Variants in NEBL observed in about 807,000 individuals in gnomAD.
NEBL encodes the protein LIM and SH3 protein 2.
A neutral mutation model predicts 140.2 loss-of-function variants in NEBL; 122 were observed. That is an observed-to-expected ratio of 0.87 (90% CI 0.75 to 1.01). The LOEUF is 1.01. NEBL is among the 50% of genes least tolerant of loss of function. The pLI, the probability that NEBL is intolerant of heterozygous loss-of-function variation, is 0.00. For missense variants in NEBL, 1,365 were observed against 1,231.3 expected, an observed-to-expected ratio of 1.11 and a Z score of -1.62; for synonymous variants, 436 against 398.9, an observed-to-expected ratio of 1.09 and a Z score of -1.11.
chr10:20,925,127 G>A (rs546271550), intron 4 of NEBL, among the ~76,000 whole-genome samples: 2 of 152,182 alleles, frequency 1.3e-5, no homozygotes, highest in South Asian at 4.2e-4. Context: ...TCCTTTTGTA[G>A]AGACAAAGTC....
chr10:20,896,549 C>A (rs1220287459), intron 2 of NEBL, among the ~76,000 whole-genome samples: 1 of 136,106 alleles, frequency 7.3e-6, no homozygotes, highest in Non-Finnish European at 1.5e-5. Flanking sequence ...CAAGTCCATT[C>A]ATTAGATTGT....
Position 21,225,842 on chromosome 10 carries a change from T to A in NEBL, n.348+22079A>T, listed in dbSNP as rs143934371. On this transcript the variant is annotated intron_variant and non_coding_transcript_variant, in intron 3 of 8. Coordinates refer to the NEBL transcript ENST00000675702. ...GCTAGCCAAGAGCCAAGCCCTGGAATTGGGGCCTCCAGGAGCCCACTTAGT... is the reference window on the plus strand; with the variant it reads ...GCTAGCCAAGAGCCAAGCCCTGGAAATGGGGCCTCCAGGAGCCCACTTAGT... 1.3e-3 allele frequency among the ~76,000 whole-genome samples: 192 copies of A among 152,266 alleles called. No individual in the cohort carries two copies. In the East Asian group the frequency reaches 0.017, roughly 13 times the overall value.
chr10:21,160,303 C>A (rs2132151473), intron 2 of NEBL, among the ~76,000 whole-genome samples: 2 of 152,288 alleles, frequency 1.3e-5, no homozygotes, highest in Admixed American at 1.3e-4. Context: ...TTACGGGCCA[C>A]TCAGCCCTGC....
intron 4 of NEBL, among the ~76,000 whole-genome samples, chr10:20,939,872 C>G (rs1029782344): frequency 5.9e-5 from 9 of 152,268 alleles, no homozygotes; most frequent in Admixed American, 3.3e-4. Context: ...ATCAATTCAA[C>G]AAAAAGAGCT....
At chr10:20,941,502 C>G (rs1288988695) in intron 4 of NEBL, among the ~76,000 whole-genome samples, 3 of 152,102 alleles carry the variant, frequency 2.0e-5, no homozygotes, top group Non-Finnish European at 2.9e-5. Flanking sequence ...AAAGTGGAAG[C>G]ATTCCCTTTG....
intron 21 of NEBL, among the ~76,000 whole-genome samples, chr10:20,817,074 CACA>C (rs1350021630): frequency 1.3e-5 from 2 of 151,990 alleles, no homozygotes; most frequent in East Asian, 3.9e-4. Context: ...AGAAGGGATA[CACA>C]ACAACCTGTC....
chr10:20,964,943 G>A lies in NEBL; in HGVS notation c.250-3164C>T, dbSNP rs140623942. 2.3e-3 allele frequency among the ~76,000 whole-genome samples: 356 copies of A among 152,272 alleles called. 1 individual carries two copies. The highest frequency in any genetic ancestry group is 3.6e-3 in the Non-Finnish European group (244 of 68,028). On this transcript the variant is annotated intron_variant, in intron 3 of 6. Transcript: ENST00000417816. ...ATTCTGATGAACATAACCAGCCCCC[G>A]TGTCCATGTGTTGTACACACGTATG...
rs181745861 is a variant in NEBL at position 20,945,266 on chromosome 10, C to T, written c.357+16406G>A. Among the ~76,000 whole-genome samples, 476 of 152,152 alleles carry T rather than the reference C, an allele frequency of 3.1e-3. 1 individual carries two copies. Among genetic ancestry groups the T allele is most frequent in the African/African-American group, 9.6e-3 (399 of 41,514 alleles). On this transcript the variant is annotated intron_variant, in intron 4 of 6. Transcript: ENST00000417816. ...CTTTCTTCTGTAAGCCATCTGGGAC[C>T]GTCACCAAACCCCAGCTAGGGTTAG...
intron 13 of NEBL, among the ~76,000 whole-genome samples, chr10:20,837,930 C>T (rs1841047328): frequency 6.6e-6 from 1 of 152,140 alleles, no homozygotes; most frequent in Non-Finnish European, 1.5e-5. Flanking sequence ...ACTGCCAAAA[C>T]CTAATGTTCA....
In NEBL at chr10:21,140,331, G is replaced by A. The variant is rs766398674; in HGVS notation, c.164+32052C>T. Reference sequence around the variant, plus strand: ...TGTCTGGAAGAATGAGGAATCTACCGTATTTATACATTTCATTTTTAATTT... The same window carrying A: ...TGTCTGGAAGAATGAGGAATCTACCATATTTATACATTTCATTTTTAATTT... On this transcript the variant is annotated intron_variant, in intron 2 of 6. Coordinates refer to the NEBL transcript ENST00000417816. 2.0e-5 allele frequency among the ~76,000 whole-genome samples: 3 copies of A among 152,260 alleles called. 1 individual carries two copies. Among genetic ancestry groups the A allele is most frequent in the East Asian group, 3.9e-4 (2 of 5,188 alleles).
Position 20,785,738 on chromosome 10 carries a change from G to A in NEBL, c.*9C>T. 1 of 1,612,848 alleles carries A rather than the reference G, an allele frequency of 6.2e-7. No homozygotes were observed. The highest frequency in any genetic ancestry group is 1.7e-4 in the Middle Eastern group (1 of 5,836). Reference sequence around the variant, plus strand: ...ATTAGAATAAAGCTCAAAGGGCAGGGAGAAATAATTAATTAACAAACTCAA... The same window carrying A: ...ATTAGAATAAAGCTCAAAGGGCAGGAAGAAATAATTAATTAACAAACTCAA... On this transcript the variant is annotated 3_prime_UTR_variant, in exon 28 of 28. Transcript: ENST00000377122.
chr10:20,842,659 A>G (rs1384550423), intron 12 of NEBL, among the ~76,000 whole-genome samples: 1 of 152,074 alleles, frequency 6.6e-6, no homozygotes, highest in East Asian at 1.9e-4. Flanking sequence ...GCCATAATTT[A>G]TGAATACAAT....
intron 2 of NEBL, among the ~76,000 whole-genome samples, chr10:21,068,635 C>G (rs1835673849): frequency 1.3e-5 from 2 of 152,158 alleles, no homozygotes; most frequent in Admixed American, 1.3e-4. Flanking sequence ...GGGCTCTGGT[C>G]TTTTCAGCTG....
At position 21,024,077 on chromosome 10, in the gene NEBL, A is replaced by C. The variant is rs1002782560; in HGVS notation, c.165-3876T>G. ...AAAGTGTTACTCTGGGGAAAAAAAA[A>C]AAAAACATTGAAAAGCTTCTACTGT... On this transcript the variant is annotated intron_variant, in intron 2 of 6. Coordinates refer to the NEBL transcript ENST00000417816. Among the ~76,000 whole-genome samples the C allele has an allele frequency of 1.4e-4, 21 of 152,106 alleles. 1 individual carries two copies. The highest frequency in any genetic ancestry group is 1.9e-4 in the Non-Finnish European group (13 of 68,014).
intron 2 of NEBL, among the ~76,000 whole-genome samples, chr10:21,028,248 A>AG (rs1554819352): frequency 9.3e-5 from 3 of 32,124 alleles, no homozygotes; most frequent in Non-Finnish European, 2.2e-4. Context: ...AAAAAAAAAA[A>AG]AAAAAAAAGA....
At chr10:20,887,824 A>T (rs1846661761) in intron 4 of NEBL, among the ~76,000 whole-genome samples, 1 of 152,220 alleles carries the variant, frequency 6.6e-6, no homozygotes, top group African/African-American at 2.4e-5. Context: ...AATTTCATCC[A>T]TGTAAGCTGT....
chr10:21,151,511 G>GA (rs535485735), intron 2 of NEBL, among the ~76,000 whole-genome samples: 2 of 151,868 alleles, frequency 1.3e-5, no homozygotes, highest in Non-Finnish European at 2.9e-5. Flanking sequence ...CAGCCAAAGT[G>GA]AAAAAAAACT....
At chr10:20,802,459 A>G (rs1837209419) in intron 26 of NEBL, among the ~76,000 whole-genome samples, 1 of 152,252 alleles carries the variant, frequency 6.6e-6, no homozygotes, top group Non-Finnish European at 1.5e-5. Flanking sequence ...AAAGTAACAC[A>G]GTAGAGATGT....
At chr10:21,122,723 G>C (rs562170037) in intron 2 of NEBL, among the ~76,000 whole-genome samples, 5 of 152,252 alleles carry the variant, frequency 3.3e-5, no homozygotes, top group South Asian at 2.1e-4. Flanking sequence ...CTGGGTAGCG[G>C]ATCCAGAAGA....
Sources: allele counts gnomAD v4.1 joint callset (sites outside exome capture counted in the v4.1 genomes callset), GRCh38; gene constraint gnomAD v4.1.1; transcripts MANE v1.5; gene names NCBI Gene and HGNC (gene_info 2026-07-23, HGNC 2026-07-21).